Variants in NCOA1 observed in about 807,000 individuals in gnomAD.
NCOA1 encodes the protein Hin-2 protein.
In NCOA1, 35 loss-of-function variants were observed where a neutral mutation model predicts 150.9. The observed-to-expected ratio is 0.23, with a 90% CI of 0.18 to 0.31. The LOEUF (loss-of-function observed/expected upper bound fraction) is 0.31. Ranked by LOEUF, NCOA1 falls within the 10% of genes least tolerant of loss-of-function variation. The pLI is 1.00. For synonymous variants in NCOA1, 590 were observed against 630.0 expected (o/e 0.94, Z 0.95); for missense variants, 1,491 against 1,749.3 (o/e 0.85, Z 2.63).
chr2:24,736,939 T>C (rs1663341196), intron 17 of NCOA1, among the ~76,000 whole-genome samples: 1 of 152,198 alleles, frequency 6.6e-6, no homozygotes, highest in African/African-American at 2.4e-5. Flanking sequence ...GGTAAAGCAC[T>C]GGGAAGAAAA....
At chr2:24,511,730 A>T (rs1421956005) in intron 1 of NCOA1, among the ~76,000 whole-genome samples, 1 of 151,894 alleles carries the variant, frequency 6.6e-6, no homozygotes, top group South Asian at 2.1e-4. Context: ...AATTTTGATA[A>T]GTCCAATTTA....
At chr2:24,759,333 A>G (rs1199887545) in intron 21 of NCOA1, among the ~76,000 whole-genome samples, 3 of 152,270 alleles carry the variant, frequency 2.0e-5, no homozygotes, top group African/African-American at 7.2e-5. Flanking sequence ...TAAACAGAAT[A>G]GAAAAAGAAC....
At chr2:24,606,592 T>A (rs1668380823) in intron 3 of NCOA1, among the ~76,000 whole-genome samples, 1 of 152,172 alleles carries the variant, frequency 6.6e-6, no homozygotes, top group Non-Finnish European at 1.5e-5. Context: ...CTCAGCTTGG[T>A]CATGAGATAT....
At chr2:24,563,653 G>T (rs1473638793) in intron 1 of NCOA1, among the ~76,000 whole-genome samples, 2 of 152,056 alleles carry the variant, frequency 1.3e-5, no homozygotes, top group African/African-American at 4.8e-5. Flanking sequence ...GAGTAGCTGG[G>T]ACTACAGGTG....
chr2:24,570,958 A>G (rs1033413987), intron 2 of NCOA1, among the ~76,000 whole-genome samples: 1 of 152,254 alleles, frequency 6.6e-6, no homozygotes, highest in African/African-American at 2.4e-5. Context: ...TTTATGAAAT[A>G]GGGAAATTTT....
At chr2:24,563,605 C>A (rs536063942) in intron 1 of NCOA1, among the ~76,000 whole-genome samples, 14 of 152,088 alleles carry the variant, frequency 9.2e-5, no homozygotes, top group African/African-American at 3.4e-4. Flanking sequence ...GCAGTCTCAA[C>A]CTCTTGGGCT....
intron 3 of NCOA1, among the ~76,000 whole-genome samples, chr2:24,593,132 TG>T (rs1667728708): frequency 6.6e-6 from 1 of 152,182 alleles, no homozygotes; most frequent in Non-Finnish European, 1.5e-5. Context: ...AGTCAAGGAC[TG>T]GCTCTTGTCA....
At chr2:24,692,253 A>C (rs1279522588) in intron 9 of NCOA1, among the ~76,000 whole-genome samples, 4 of 152,230 alleles carry the variant, frequency 2.6e-5, no homozygotes, top group African/African-American at 9.6e-5. Context: ...GGACAAGGGA[A>C]GGTAGTAGAC....
chr2:24,747,327 CTTTTT>C (rs148901218), intron 19 of NCOA1, among the ~76,000 whole-genome samples: 4 of 120,170 alleles, frequency 3.3e-5, no homozygotes, highest in Admixed American at 9.0e-5. Context: ...TTATTTTTCT[CTTTTT>C]TTTTTTTTTT....
intron 14 of NCOA1, among the ~76,000 whole-genome samples, chr2:24,723,816 G>GTT (rs537590212): frequency 6.6e-6 from 1 of 152,042 alleles, no homozygotes; most frequent in Non-Finnish European, 1.5e-5. Context: ...ATAAAACACT[G>GTT]TAACTGCTGT....
At chr2:24,678,332 A>G (rs1672014200) in intron 7 of NCOA1, among the ~76,000 whole-genome samples, 1 of 152,220 alleles carries the variant, frequency 6.6e-6, no homozygotes, top group African/African-American at 2.4e-5. Flanking sequence ...TATTGTGAAT[A>G]GTGCTGTGAT....
chr2:24,677,969 A>T (rs1198490612), intron 7 of NCOA1, among the ~76,000 whole-genome samples: 1 of 151,932 alleles, frequency 6.6e-6, no homozygotes, highest in Non-Finnish European at 1.5e-5. Flanking sequence ...TGCTGCATAG[A>T]TCAACCCATC....
chr2:24,711,249 C>T, intron 14 of NCOA1, 138 bp downstream of exon 14: 1 of 822,198 alleles, frequency 1.2e-6, no homozygotes, highest in Non-Finnish European at 1.8e-6. Context: ...AATAATAAAA[C>T]AGTTATATTT....
In NCOA1 at chr2:24,706,669, T is replaced by A. The variant is rs1372915968; in HGVS notation, c.1199T>A (p.Val400Glu). ...CCTAGTATCTCTCCAGCTCATGGTG[T>A]GGCTCGTTCATCCACATTGCCACCA... is the stretch of plus-strand genomic sequence containing the variant. ...VNPSISPAHG[V>E]ARSSTLPPSN... is the part of the protein sequence containing the mutation. The change falls in exon 13 of 23, where the codon GTG becomes GAG. Residue 400 changes from valine (V) to glutamate (E), a missense_variant. Val to Glu is a moderately radical substitution (Grantham distance 121). Coordinates refer to ENST00000348332, the MANE Select transcript of NCOA1 (RefSeq NM_003743.5). The A allele has an allele frequency of 6.2e-7, 1 of 1,614,200 alleles. No homozygotes were observed. The highest frequency in any genetic ancestry group is 2.2e-5 in the East Asian group (1 of 44,890).
chr2:24,597,961 A>G (rs1199591846), intron 3 of NCOA1, among the ~76,000 whole-genome samples: 1 of 151,820 alleles, frequency 6.6e-6, no homozygotes, highest in Non-Finnish European at 1.5e-5. Context: ...CCGGTGTGTG[A>G]TGTTCCCCTT....
intron 1 of NCOA1, among the ~76,000 whole-genome samples, chr2:24,522,589 G>C (rs1326900525): frequency 6.6e-6 from 1 of 152,176 alleles, no homozygotes; most frequent in African/African-American, 2.4e-5. Context: ...AGAGCTGGAG[G>C]TTAGGTCCTG....
intron 14 of NCOA1, among the ~76,000 whole-genome samples, chr2:24,724,018 A>T (rs1321486836): frequency 2.0e-5 from 3 of 152,138 alleles, no homozygotes; most frequent in Non-Finnish European, 2.9e-5. Flanking sequence ...CTATATCCTA[A>T]TCTTGGAAGT....
intron 15 of NCOA1, 47 bp from the exon 16 acceptor site, chr2:24,728,261 T>C: frequency 6.6e-7 from 1 of 1,524,842 alleles, no homozygotes; most frequent in Middle Eastern, 1.8e-4. Flanking sequence ...ATTGAATAAA[T>C]TATTTGCTAT....
Position 24,560,148 on chromosome 2 carries a change from CT to C in NCOA1, c.-395-4145del, listed in dbSNP as rs1447203033. On this transcript the variant is annotated intron_variant, in intron 1 of 22. Coordinates refer to ENST00000348332, the MANE Select transcript of NCOA1 (RefSeq NM_003743.5). ...AAATCTTGCAACTGAGAGAACTTTC[CT>C]TATGTCTGGGGTCCCCAGCTATTCT... 5.9e-5 allele frequency among the ~76,000 whole-genome samples: 9 copies of C among 152,268 alleles called. No individual in the cohort carries two copies. In the East Asian group the frequency reaches 1.5e-3, roughly 26 times the overall value.
Sources: gnomAD v4.1 joint callset for allele counts (sites outside exome capture counted in the v4.1 genomes callset) on GRCh38, gnomAD v4.1.1 for gene constraint, MANE v1.5 for transcripts, NCBI Gene and HGNC (gene_info 2026-07-23, HGNC 2026-07-21) for gene names.